The following ASB15 variants were observed in gnomAD, a reference collection of about 807,000 sequenced individuals.
ASB15 encodes ankyrin repeat and SOCS box containing 15, also known as ankyrin repeat and SOCS box protein 15.
In ASB15, 54 loss-of-function variants were observed where a neutral mutation model predicts 58.0. The ratio of observed to expected loss-of-function variants is 0.93; its 90% CI spans 0.75 to 1.17. The LOEUF is 1.17. Among genes scored for constraint, ASB15 ranks in the 50% most tolerant of loss-of-function variants. The pLI, the probability that ASB15 is intolerant of heterozygous loss-of-function variation, is 0.00. For missense variants in ASB15, 680 were observed against 707.4 expected, an observed-to-expected ratio of 0.96 and a Z score of 0.44; for synonymous variants, 249 against 262.4, an observed-to-expected ratio of 0.95 and a Z score of 0.50.
At chr7:123,597,326 C>T (rs939400160), upstream of ASB15, among the ~76,000 whole-genome samples, 1 of 151,992 alleles carries the variant, frequency 6.6e-6, no homozygotes, top group African/African-American at 2.4e-5. Context: ...GTTCAAGGAA[C>T]CTTTATTTTA....
chr7:123,583,468 G>A (rs1239764626), intron 1 of ASB15, among the ~76,000 whole-genome samples: 1 of 151,852 alleles, frequency 6.6e-6, no homozygotes, highest in Non-Finnish European at 1.5e-5. Flanking sequence ...TGCTCATCTA[G>A]TGTTTGATGA....
chr7:123,575,892 G>GC (rs1051489881), intron 1 of ASB15, among the ~76,000 whole-genome samples: 2 of 148,052 alleles, frequency 1.4e-5, no homozygotes, highest in Admixed American at 6.7e-5. Flanking sequence ...CTTTTCCCTG[G>GC]CATGCATAGT....
At position 123,620,534 on chromosome 7, in the gene ASB15, ATATATATATATATATATATATTTTTTTTT is replaced by A. The variant is rs1562933306; in HGVS notation, c.451+2799_451+2827del. On this transcript the variant is annotated intron_variant, in intron 7 of 11. Coordinates refer to ENST00000451215, the MANE Select transcript of ASB15 (RefSeq NM_001290258.2). ...TATATATATATATATATATATATAT[ATATATATATATATATATATATTTTTTTTT>A]TTTTTTTTTTTTTTTTTTTTTTTTT... 9.6e-4 allele frequency among the ~76,000 whole-genome samples: 16 copies of A among 16,704 alleles called. No individual in the cohort carries two copies. In the South Asian group the frequency reaches 0.012, roughly 12 times the overall value. The allele number at this position is 16,704 out of a possible 152,430, so 11.0% of individuals were successfully genotyped here.
intron 1 of ASB15, among the ~76,000 whole-genome samples, chr7:123,580,029 A>G (rs1019799490): frequency 2.6e-5 from 4 of 152,098 alleles, no homozygotes; most frequent in Admixed American, 2.6e-4. Context: ...AGGCAAACAA[A>G]ATAAATATGA....
chr7:123,586,836 T>G (rs1284773201), intron 1 of ASB15, among the ~76,000 whole-genome samples: 1 of 151,804 alleles, frequency 6.6e-6, no homozygotes, highest in African/African-American at 2.4e-5. Flanking sequence ...TTTTTGTGCC[T>G]TTGTCAAAGA....
intron 10 of ASB15, among the ~76,000 whole-genome samples, 165 bp from the exon 11 acceptor site, chr7:123,629,801 G>C (rs369096268): frequency 8.7e-4 from 133 of 152,218 alleles, no homozygotes; most frequent in African/African-American, 3.1e-3. Context: ...AGGGCTGATG[G>C]TTTCACAGAG....
At chr7:123,605,407 A>G (rs1000532378) in intron 2 of ASB15, among the ~76,000 whole-genome samples, 6 of 152,202 alleles carry the variant, frequency 3.9e-5, no homozygotes. Context: ...AATGTAACTT[A>G]GTTCGGCCAC....
intron 9 of ASB15, among the ~76,000 whole-genome samples, chr7:123,628,590 G>A (rs528310803): frequency 1.6e-4 from 25 of 152,268 alleles, no homozygotes; most frequent in South Asian, 1.2e-3. Flanking sequence ...AAGATGGGGC[G>A]TGTTCTTGAG....
chr7:123,577,844 G>C lies in ASB15; in HGVS notation c.-443+10756G>C, dbSNP rs117645359. ...TCTAGACATCATGTTCTTTGTTTAT[G>C]AGTGTTCCTTTTGAAAAAATATCAA... On this transcript the variant is annotated intron_variant, in intron 1 of 13. Transcript: ENST00000451558. 1.7e-3 allele frequency among the ~76,000 whole-genome samples: 256 copies of C among 152,182 alleles called. 1 individual carries two copies. The East Asian group carries it at 0.04, about 24-fold the overall frequency.
At chr7:123,578,695 T>C (rs1799139960) in intron 1 of ASB15, among the ~76,000 whole-genome samples, 1 of 152,094 alleles carries the variant, frequency 6.6e-6, no homozygotes, top group South Asian at 2.1e-4. Flanking sequence ...GCTTAGTCTT[T>C]TCTTTCTCAG....
chr7:123,619,296 AG>A (rs1801069106), intron 7 of ASB15, among the ~76,000 whole-genome samples: 1 of 151,872 alleles, frequency 6.6e-6, no homozygotes, highest in Non-Finnish European at 1.5e-5. Context: ...GAGGAGAATT[AG>A]ATGTGATTTA....
At chr7:123,605,924 T>C (rs1442767895) in intron 2 of ASB15, among the ~76,000 whole-genome samples, 2 of 152,184 alleles carry the variant, frequency 1.3e-5, no homozygotes, top group Non-Finnish European at 2.9e-5. Context: ...GATAAAATAC[T>C]CTGTACACCA....
chr7:123,629,113 T>G lies in ASB15; in HGVS notation c.1119T>G (p.Gly373=). 1 of 1,614,130 alleles carries G rather than the reference T, an allele frequency of 6.2e-7. No homozygotes were observed. The highest frequency in any genetic ancestry group is 1.1e-5 in the South Asian group (1 of 91,070). ...GCACAGAAGTCCTTCTGGCTGCAGG[T>G]GCAGACCCAAACTTAGATCCCCTCA... is the stretch of plus-strand genomic sequence containing the variant. ...VHCTEVLLAA[G]ADPNLDPLNC... The change falls in exon 10 of 12, where the codon GGT becomes GGG. Residue 373 remains glycine (G), a synonymous_variant. Transcript: ENST00000451215.
At chr7:123,579,801 A>G (rs1189253968) in intron 1 of ASB15, among the ~76,000 whole-genome samples, 4 of 152,066 alleles carry the variant, frequency 2.6e-5, no homozygotes, top group Non-Finnish European at 2.9e-5. Context: ...TCATTATTCA[A>G]TATTATGAAA....
At chr7:123,574,067 C>A (rs1393477362) in intron 1 of ASB15, among the ~76,000 whole-genome samples, 1 of 152,124 alleles carries the variant, frequency 6.6e-6, no homozygotes, top group Non-Finnish European at 1.5e-5. Flanking sequence ...TGATAGCAGT[C>A]TATTTCCACA....
At chr7:123,618,969 T>A (rs184939373) in intron 7 of ASB15, among the ~76,000 whole-genome samples, 23 of 149,216 alleles carry the variant, frequency 1.5e-4, no homozygotes, top group African/African-American at 4.7e-4. Flanking sequence ...AGGTCAGGAG[T>A]TCAAGACCAG....
At position 123,604,173 on chromosome 7, in the gene ASB15, A is replaced by G. The variant is rs1800021543; in HGVS notation, c.-103A>G. The G allele has an allele frequency of 6.6e-6, 1 of 152,184 alleles. No homozygotes were observed. The highest frequency in any genetic ancestry group is 2.4e-5 in the African/African-American group (1 of 41,436). The allele number at this position is 152,184 out of a possible 1,614,324, so 9.4% of individuals were successfully genotyped here. ...GGCTCCTGTGTTGCAGAGGAACACT[A>G]CTTTCTCAGTGTAGCTCTGAGAAAG... On this transcript the variant is annotated 5_prime_UTR_variant, in exon 2 of 12. Transcript: ENST00000451215.
chr7:123,620,512 A>G (rs1801178887), intron 7 of ASB15, among the ~76,000 whole-genome samples: 1 of 5,228 alleles, frequency 1.9e-4, no homozygotes, highest in East Asian at 4.8e-3. Context: ...ACATACATAT[A>G]TATATATATA....
chr7:123,627,735 T>C (rs1801888741), intron 9 of ASB15, among the ~76,000 whole-genome samples: 1 of 152,216 alleles, frequency 6.6e-6, no homozygotes, highest in Non-Finnish European at 1.5e-5. Context: ...AATAGAAAAG[T>C]TTCATTATAA....
Sources: gnomAD v4.1 joint callset for allele counts (sites outside exome capture counted in the v4.1 genomes callset) on GRCh38, gnomAD v4.1.1 for gene constraint, MANE v1.5 for transcripts, NCBI Gene and HGNC (gene_info 2026-07-23, HGNC 2026-07-21) for gene names.